Variants in PPM1L observed in about 807,000 individuals in gnomAD.
PPM1L encodes the protein protein phosphatase, Mg2+/Mn2+ dependent 1L.
In PPM1L, 13 loss-of-function variants were observed where a neutral mutation model predicts 31.4. The observed-to-expected ratio is 0.41, with a 90% CI of 0.27 to 0.66. The LOEUF (loss-of-function observed/expected upper bound fraction) is 0.66, where lower values mean the gene tolerates loss of function less well. Ranked by LOEUF, PPM1L falls within the 30% of genes least tolerant of loss-of-function variation. The pLI is 0.29. For missense variants in PPM1L, 326 were observed against 453.7 expected, an observed-to-expected ratio of 0.72 and a Z score of 2.56; for synonymous variants, 184 against 175.4, an observed-to-expected ratio of 1.05 and a Z score of -0.39.
rs1352258009 is a variant in PPM1L at position 161,041,936 on chromosome 3, TA to T, written c.575-23461del. Among the ~76,000 whole-genome samples, 6 of 152,314 alleles carry T rather than the reference TA, an allele frequency of 3.9e-5. No individual in the cohort carries two copies. In the East Asian group the frequency reaches 1.2e-3, roughly 29 times the overall value. On this transcript the variant is annotated intron_variant, in intron 2 of 3. Coordinates refer to ENST00000498165, the MANE Select transcript of PPM1L (RefSeq NM_139245.4). Reference sequence around the variant, plus strand: ...GAGACGTACTAGTCATCATCATTGTTAAAAAATATTTTTAAATTTTTAAGTA... The same window carrying T: ...GAGACGTACTAGTCATCATCATTGTTAAAAATATTTTTAAATTTTTAAGTA...
At chr3:161,045,691 C>G (rs555176883) in intron 2 of PPM1L, among the ~76,000 whole-genome samples, 7 of 152,202 alleles carry the variant, frequency 4.6e-5, no homozygotes, top group East Asian at 1.9e-4. Flanking sequence ...CATTGACACC[C>G]TAACATTACA....
At chr3:161,020,522 A>G (rs1308777468) in intron 2 of PPM1L, among the ~76,000 whole-genome samples, 1 of 152,224 alleles carries the variant, frequency 6.6e-6, no homozygotes, top group Non-Finnish European at 1.5e-5. Context: ...GGGAAATGCA[A>G]GTGAAATCAC....
intron 2 of PPM1L, among the ~76,000 whole-genome samples, chr3:161,011,880 C>T (rs1027092764): frequency 1.6e-4 from 25 of 152,130 alleles, no homozygotes; most frequent in Admixed American, 4.6e-4. Context: ...ATCCTGAGAA[C>T]TTGCTGAAGT....
chr3:160,795,924 C>G (rs1289045140), intron 1 of PPM1L, among the ~76,000 whole-genome samples: 1 of 152,164 alleles, frequency 6.6e-6, no homozygotes, highest in African/African-American at 2.4e-5. Context: ...CTCAGTGCTA[C>G]TGATTTCAAC....
chr3:160,950,097 A>T (rs1311846091), intron 1 of PPM1L, among the ~76,000 whole-genome samples: 1 of 152,104 alleles, frequency 6.6e-6, no homozygotes, highest in African/African-American at 2.4e-5. Flanking sequence ...ACAAAGTTAA[A>T]TTTCAGAGTA....
intron 2 of PPM1L, among the ~76,000 whole-genome samples, chr3:161,052,330 C>T (rs1719302808): frequency 6.6e-6 from 1 of 152,196 alleles, no homozygotes; most frequent in African/African-American, 2.4e-5. Flanking sequence ...CCTCTACTCA[C>T]ACCCCTGCTG....
intron 1 of PPM1L, among the ~76,000 whole-genome samples, chr3:160,773,260 A>G (rs2108062111): frequency 6.6e-6 from 1 of 152,360 alleles, no homozygotes; most frequent in Admixed American, 6.5e-5. Flanking sequence ...GATATTGAGC[A>G]TATTTTCATG....
At chr3:160,952,323 G>T (rs972134623) in intron 1 of PPM1L, among the ~76,000 whole-genome samples, 3 of 152,220 alleles carry the variant, frequency 2.0e-5, no homozygotes, top group Non-Finnish European at 2.9e-5. Context: ...CGTGTGGTCT[G>T]TGTGCTGGCT....
intron 2 of PPM1L, among the ~76,000 whole-genome samples, chr3:160,969,938 A>C (rs1576751080): frequency 1.3e-5 from 2 of 152,336 alleles, no homozygotes; most frequent in South Asian, 2.1e-4. Context: ...TCTACTACCT[A>C]AACATAATCA....
At chr3:161,037,956 G>A (rs1387319643) in intron 2 of PPM1L, among the ~76,000 whole-genome samples, 5 of 151,926 alleles carry the variant, frequency 3.3e-5, no homozygotes, top group African/African-American at 9.7e-5. Context: ...GACAGTGGCC[G>A]GGCGCGGTGG....
chr3:160,920,724 G>T (rs1443273130), intron 1 of PPM1L, among the ~76,000 whole-genome samples: 2 of 151,574 alleles, frequency 1.3e-5, no homozygotes, highest in Admixed American at 1.3e-4. Flanking sequence ...TAGGAGGGTG[G>T]TGATGAGGGA....
At chr3:160,899,813 A>T (rs1713478246) in intron 1 of PPM1L, among the ~76,000 whole-genome samples, 1 of 152,168 alleles carries the variant, frequency 6.6e-6, no homozygotes, top group Non-Finnish European at 1.5e-5. Context: ...TAAATGTTTC[A>T]TGGATATTTG....
intron 2 of PPM1L, among the ~76,000 whole-genome samples, chr3:161,002,527 A>G (rs1036369313): frequency 3.3e-5 from 5 of 151,370 alleles, no homozygotes; most frequent in Non-Finnish European, 7.4e-5. Context: ...AATGATCGCC[A>G]TTGTAACTGG....
chr3:160,999,616 A>G (rs1002257850), intron 2 of PPM1L, among the ~76,000 whole-genome samples: 2 of 152,232 alleles, frequency 1.3e-5, no homozygotes, highest in Non-Finnish European at 1.5e-5. Flanking sequence ...TTTCAATGCA[A>G]CCACTTTAAT....
intron 1 of PPM1L, among the ~76,000 whole-genome samples, chr3:160,768,033 T>A (rs901417372): frequency 6.6e-6 from 1 of 152,226 alleles, no homozygotes; most frequent in Non-Finnish European, 1.5e-5. Flanking sequence ...TTTATCTTTT[T>A]GCTCCATAGA....
intron 3 of PPM1L, among the ~76,000 whole-genome samples, chr3:161,067,461 G>A (rs1719774409): frequency 6.6e-6 from 1 of 152,170 alleles, no homozygotes; most frequent in Non-Finnish European, 1.5e-5. Flanking sequence ...TGACAGTAAG[G>A]TCCAGCCAGT....
At chr3:160,894,199 T>A (rs745601347) in intron 1 of PPM1L, among the ~76,000 whole-genome samples, 12 of 152,220 alleles carry the variant, frequency 7.9e-5, no homozygotes, top group South Asian at 2.1e-4. Flanking sequence ...TGTTTTAATA[T>A]CTGTGGGATT....
At position 160,996,407 on chromosome 3, in the gene PPM1L, C is replaced by T. The variant is rs375352462; in HGVS notation, c.574+34497C>T. Among the ~76,000 whole-genome samples the T allele has an allele frequency of 2.2e-4, 34 of 152,132 alleles. No individual in the cohort carries two copies. In the East Asian group the frequency reaches 6.2e-3, roughly 28 times the overall value. ...ACCCACCCAAATGTCCATCATTCAA[C>T]GAGTGGATAAAAAAAATTGTGGTAT... On this transcript the variant is annotated intron_variant, in intron 2 of 3. Coordinates refer to ENST00000498165, the MANE Select transcript of PPM1L (RefSeq NM_139245.4).
chr3:160,770,598 A>C (rs1194629386), intron 1 of PPM1L, among the ~76,000 whole-genome samples: 1 of 152,202 alleles, frequency 6.6e-6, no homozygotes, highest in African/African-American at 2.4e-5. Flanking sequence ...TTCTTTGGAG[A>C]AAAGTATCAT....
Sources: allele counts gnomAD v4.1 joint callset (sites outside exome capture counted in the v4.1 genomes callset), GRCh38; gene constraint gnomAD v4.1.1; transcripts MANE v1.5; gene names NCBI Gene and HGNC (gene_info 2026-07-23, HGNC 2026-07-21).